Variants in KLHL32 observed in about 807,000 individuals in gnomAD.
KLHL32 encodes kelch-like protein 32.
Under a neutral mutation model 64.8 loss-of-function variants are expected in KLHL32, and 35 were observed. The ratio of observed to expected loss-of-function variants is 0.54; its 90% CI spans 0.41 to 0.72. The LOEUF is 0.72. Ranked by LOEUF, KLHL32 falls within the 30% of genes least tolerant of loss-of-function variation. The probability of loss-of-function intolerance (pLI) is 0.00; values close to 1 mark genes in which losing one functional copy is unlikely to be tolerated. For synonymous variants in KLHL32, 259 were observed against 281.0 expected (o/e 0.92, Z 0.78); for missense variants, 589 against 768.5 (o/e 0.77, Z 2.76).
At chr6:97,084,975 A>T in intron 5 of KLHL32, 151 bp from the exon 6 acceptor site, 1 of 639,340 alleles carries the variant, frequency 1.6e-6, no homozygotes, top group Non-Finnish European at 2.7e-6. Flanking sequence ...AGAACTTTAT[A>T]ATTGTGATTT....
At chr6:96,959,677 A>G (rs960755914) in intron 1 of KLHL32, among the ~76,000 whole-genome samples, 1 of 152,190 alleles carries the variant, frequency 6.6e-6, no homozygotes, top group African/African-American at 2.4e-5. Flanking sequence ...GTGGGGGGAC[A>G]CAATTCAGCT....
chr6:97,011,099 C>T (rs762889495), intron 3 of KLHL32, among the ~76,000 whole-genome samples: 18 of 152,094 alleles, frequency 1.2e-4, no homozygotes, highest in Non-Finnish European at 1.9e-4. Flanking sequence ...GGAGGGACAG[C>T]GTTTGGACAT....
At chr6:97,108,379 G>A (rs755771021) in intron 6 of KLHL32, among the ~76,000 whole-genome samples, 21 of 151,920 alleles carry the variant, frequency 1.4e-4, no homozygotes, top group Non-Finnish European at 2.4e-4. Context: ...CTTAAGCACC[G>A]AAATATACCA....
chr6:97,047,131 C>T lies in KLHL32; in HGVS notation c.312+5532C>T, dbSNP rs541210931. ...AAAGTGTAGCCTTCTTAAAATTGGC[C>T]TACAGATTTCATCCAGGAAATTTTA... On this transcript the variant is annotated intron_variant, in intron 4 of 10. Coordinates refer to ENST00000369261, the MANE Select transcript of KLHL32 (RefSeq NM_052904.4). Among the ~76,000 whole-genome samples the T allele has an allele frequency of 2.4e-4, 37 of 152,282 alleles. No individual in the cohort carries two copies. In the South Asian group the frequency reaches 7.5e-3, roughly 31 times the overall value.
At chr6:96,984,701 C>A (rs988087117) in intron 3 of KLHL32, among the ~76,000 whole-genome samples, 3 of 151,976 alleles carry the variant, frequency 2.0e-5, no homozygotes, top group African/African-American at 7.3e-5. Context: ...CAACCCCTGC[C>A]TTTTTTTGTT....
intron 5 of KLHL32, among the ~76,000 whole-genome samples, chr6:97,065,503 A>G (rs1238232544): frequency 6.6e-6 from 1 of 152,228 alleles, no homozygotes; most frequent in Non-Finnish European, 1.5e-5. Flanking sequence ...CAGCATGGCT[A>G]TGAGTCTCTT....
intron 3 of KLHL32, among the ~76,000 whole-genome samples, chr6:96,982,621 T>C (rs914154075): frequency 1.3e-5 from 2 of 152,170 alleles, no homozygotes; most frequent in East Asian, 3.9e-4. Context: ...GATTCCTAGG[T>C]ATTTTATTCT....
chr6:97,131,743 C>T (rs901569693), intron 9 of KLHL32, among the ~76,000 whole-genome samples: 6 of 152,114 alleles, frequency 3.9e-5, no homozygotes, highest in African/African-American at 7.2e-5. Context: ...GCAGCTGCTG[C>T]TGGGGGAGGC....
At chr6:97,096,938 G>T (rs1457869167) in intron 6 of KLHL32, among the ~76,000 whole-genome samples, 1 of 152,202 alleles carries the variant, frequency 6.6e-6, no homozygotes, top group Non-Finnish European at 1.5e-5. Flanking sequence ...AAACAGCACT[G>T]AGAGGTTAGG....
chr6:97,125,835 T>C (rs1279569891), intron 7 of KLHL32, among the ~76,000 whole-genome samples: 12 of 152,236 alleles, frequency 7.9e-5, no homozygotes, highest in African/African-American at 2.7e-4. Context: ...GAGCACTATC[T>C]TCCTTGATGA....
chr6:97,089,446 G>A (rs1997934), intron 6 of KLHL32, among the ~76,000 whole-genome samples: 57,235 of 152,090 alleles, frequency 0.38, 10,804 homozygotes, highest in South Asian at 0.49. Context: ...TGTATTAACT[G>A]TTTCTTACTT....
chr6:97,039,822 AAAACAAAC>A (rs60070457), intron 3 of KLHL32, among the ~76,000 whole-genome samples: 1 of 149,314 alleles, frequency 6.7e-6, no homozygotes, highest in Non-Finnish European at 1.5e-5. Flanking sequence ...TCCATCTCAA[AAAACAAAC>A]AAACAAACAA....
intron 2 of KLHL32, among the ~76,000 whole-genome samples, chr6:96,969,928 C>T (rs1774926130): frequency 6.6e-6 from 1 of 152,204 alleles, no homozygotes; most frequent in Non-Finnish European, 1.5e-5. Context: ...CCAAATTCAT[C>T]ATCATTCTCT....
intron 3 of KLHL32, among the ~76,000 whole-genome samples, chr6:97,039,464 T>G (rs746336812): frequency 3.3e-5 from 5 of 151,908 alleles, no homozygotes; most frequent in Non-Finnish European, 7.4e-5. Flanking sequence ...ATAGAAGAAA[T>G]AAGAGCTAGT....
At chr6:97,091,797 G>A (rs1267476447) in intron 6 of KLHL32, among the ~76,000 whole-genome samples, 1 of 152,160 alleles carries the variant, frequency 6.6e-6, no homozygotes, top group Non-Finnish European at 1.5e-5. Context: ...ATGTGATACA[G>A]TCCAAGCCTC....
intron 6 of KLHL32, chr6:97,105,316 G>T: frequency 2.5e-6 from 1 of 393,030 alleles, no homozygotes; most frequent in Non-Finnish European, 5.2e-6. Context: ...ATTAAAACAC[G>T]CTTTCCTGGC....
intron 5 of KLHL32, among the ~76,000 whole-genome samples, chr6:97,072,823 CT>C (rs1197615899): frequency 6.6e-6 from 1 of 152,144 alleles, no homozygotes; most frequent in Non-Finnish European, 1.5e-5. Context: ...TATGGGCAAT[CT>C]TCTGGGAGGC....
At chr6:97,130,428 G>C (rs906429170) in intron 8 of KLHL32, among the ~76,000 whole-genome samples, 2 of 152,156 alleles carry the variant, frequency 1.3e-5, no homozygotes, top group African/African-American at 4.8e-5. Flanking sequence ...TAATGAATTT[G>C]CATGAGTAAA....
intron 3 of KLHL32, among the ~76,000 whole-genome samples, chr6:97,015,214 G>A (rs9387043): frequency 0.076 from 11,592 of 152,242 alleles, 477 homozygotes; most frequent in South Asian, 0.15. Context: ...TTATTGCAGT[G>A]TGAGAATGGA....
Sources: gnomAD v4.1 joint callset for allele counts (sites outside exome capture counted in the v4.1 genomes callset) on GRCh38, gnomAD v4.1.1 for gene constraint, MANE v1.5 for transcripts, NCBI Gene and HGNC (gene_info 2026-07-23, HGNC 2026-07-21) for gene names.